Variants in GARRE1 observed in about 807,000 individuals in gnomAD.
The protein encoded by GARRE1 is granule associated Rac and RHOG effector protein 1.
A neutral mutation model predicts 103.2 loss-of-function variants in GARRE1; 49 were observed. The ratio of observed to expected loss-of-function variants is 0.47; its 90% confidence interval spans 0.38 to 0.60. The LOEUF (loss-of-function observed/expected upper bound fraction) is 0.60. Among genes scored for constraint, GARRE1 ranks in the 20% least tolerant of loss-of-function variants. The pLI is 0.00. For missense variants in GARRE1, 1,199 were observed against 1,370.5 expected (o/e 0.87, Z 1.98); for synonymous variants, 505 against 532.8 (o/e 0.95, Z 0.72).
intron 1 of GARRE1, among the ~76,000 whole-genome samples, chr19:34,274,265 T>C (rs1460750408): frequency 6.6e-6 from 1 of 151,334 alleles, no homozygotes; most frequent in Non-Finnish European, 1.5e-5. Context: ...ATTAGCCGGG[T>C]GTTGTGGTGT....
rs2074186881 is a variant in GARRE1 at position 34,341,791 on chromosome 19, C to G, written c.1857C>G (p.Leu619=). 6.2e-7 allele frequency: 1 copy of G among 1,614,054 alleles called. No individual in the cohort carries two copies. Among genetic ancestry groups the G allele is most frequent in the African/African-American group, 1.3e-5 (1 of 74,924 alleles). Residue 619 remains leucine (L), a synonymous_variant, in exon 10 of 14, where the codon CTC becomes CTG. Transcript: ENST00000299505. ...GTAATACAGTGGCCAATGGCTTTCT[C>G]ATGGAGAGGCGTGAGAACTTCCTGC... The part of the protein sequence containing the change: ...NSSNTVANGF[L]MERRENFLHG...
At chr19:34,292,600 G>A (rs914121114) in intron 1 of GARRE1, among the ~76,000 whole-genome samples, 1 of 151,878 alleles carries the variant, frequency 6.6e-6, no homozygotes, top group African/African-American at 2.4e-5. Context: ...TTTTGAGACA[G>A]CGTCTCACTC....
rs2074250156 is a variant in GARRE1 at position 34,353,199 on chromosome 19, G to A, written c.*244G>A. ...AGACACAGGCGTCTGGCCTTCAGGG[G>A]CTTGCTAGGGAACCTGCATGCCTAG... On this transcript the variant is annotated 3_prime_UTR_variant, in exon 14 of 14. Coordinates refer to ENST00000299505, the MANE Select transcript of GARRE1 (RefSeq NM_014686.5). 1 of 498,138 alleles carries A rather than the reference G, an allele frequency of 2.0e-6. No individual in the cohort carries two copies. The highest frequency in any genetic ancestry group is 3.4e-5 in the Admixed American group (1 of 29,008). 30.9% of individuals were successfully genotyped at this position (498,138 alleles called of 1,614,324 possible). A position where few individuals can be genotyped will look rare whatever the true frequency, so the allele number is the denominator to read the frequency against.
intron 3 of GARRE1, among the ~76,000 whole-genome samples, chr19:34,326,458 ATC>A (rs1257460833): frequency 6.6e-6 from 1 of 152,220 alleles, no homozygotes; most frequent in African/African-American, 2.4e-5. Flanking sequence ...TGATCCATGT[ATC>A]TGTTTTCTGC....
chr19:34,332,850 T>C (rs2145271834), intron 7 of GARRE1, among the ~76,000 whole-genome samples: 1 of 152,306 alleles, frequency 6.6e-6, no homozygotes, highest in Middle Eastern at 3.4e-3. Flanking sequence ...CATAGGATAC[T>C]CTTATCACCT....
At chr19:34,264,413 G>T (rs1442118057) in intron 1 of GARRE1, among the ~76,000 whole-genome samples, 1 of 150,240 alleles carries the variant, frequency 6.7e-6, no homozygotes, top group Admixed American at 6.6e-5. Context: ...TTTTTTTGGA[G>T]GGGGGGACGG....
At chr19:34,319,845 T>A in intron 2 of GARRE1, 62 bp from the exon 3 acceptor site, 5 of 1,455,348 alleles carry the variant, frequency 3.4e-6, no homozygotes, top group Non-Finnish European at 4.8e-6. Context: ...CATTGAAAAT[T>A]TACTGCGCGA....
chr19:34,263,228 AAAAAT>A (rs1403260105), intron 1 of GARRE1, among the ~76,000 whole-genome samples: 2 of 151,306 alleles, frequency 1.3e-5, no homozygotes, highest in Admixed American at 6.6e-5. Flanking sequence ...ATAAATAAAT[AAAAAT>A]AAAATAAATA....
intron 9 of GARRE1, 151 bp downstream of exon 9, chr19:34,340,143 C>A (rs904469507): frequency 2.6e-6 from 2 of 763,516 alleles, no homozygotes; most frequent in South Asian, 4.0e-5. Context: ...TAATTTAAAA[C>A]CTGCAGCAAA....
At chr19:34,283,873 CCAGGCTGGAGTG>C in intron 1 of GARRE1, among the ~76,000 whole-genome samples, 1 of 148,904 alleles carries the variant, frequency 6.7e-6, no homozygotes, top group Non-Finnish European at 1.5e-5. Context: ...ACTCTGTCAC[CCAGGCTGGAGTG>C]CAGTGGCATG....
At chr19:34,313,865 A>C (rs1022120092) in intron 2 of GARRE1, among the ~76,000 whole-genome samples, 11 of 152,050 alleles carry the variant, frequency 7.2e-5, no homozygotes, top group Non-Finnish European at 1.5e-4. Flanking sequence ...CAGTGATGTG[A>C]TCTTGGCTCA....
At chr19:34,339,312 C>T (rs1300450760) in intron 8 of GARRE1, among the ~76,000 whole-genome samples, 1 of 152,172 alleles carries the variant, frequency 6.6e-6, no homozygotes, top group Non-Finnish European at 1.5e-5. Flanking sequence ...TATAATGGCT[C>T]ACAGAACTCA....
intron 3 of GARRE1, among the ~76,000 whole-genome samples, chr19:34,324,839 C>T (rs865971864): frequency 6.6e-5 from 10 of 152,068 alleles, no homozygotes; most frequent in Admixed American, 2.0e-4. Context: ...GAATTTGAAG[C>T]GTGTGATCCT....
At chr19:34,292,533 A>T (rs2073923973) in intron 1 of GARRE1, among the ~76,000 whole-genome samples, 1 of 152,088 alleles carries the variant, frequency 6.6e-6, no homozygotes, top group South Asian at 2.1e-4. Flanking sequence ...TATATTTAGC[A>T]TTTTGAGGAC....
intron 1 of GARRE1, among the ~76,000 whole-genome samples, chr19:34,271,245 CTTTTTTTTTTT>C (rs1199086211): frequency 9.5e-6 from 1 of 105,662 alleles, no homozygotes; most frequent in Non-Finnish European, 2.0e-5. Flanking sequence ...TGTGCACTTT[CTTTTTTTTTTT>C]TTTTTTTTTT....
Position 34,342,012 on chromosome 19 carries a change from C to T in GARRE1, c.2078C>T (p.Ser693Leu). ...KAGAMQPQQP[S>L]LPVPPPPRAP... The stretch of plus-strand genomic sequence containing the variant: ...GGAGCCATGCAACCACAGCAGCCGT[C>T]ACTGCCTGTGCCCCCTCCACCACGG... Residue 693 changes from serine to leucine, a missense_variant, in exon 10 of 14, where the codon TCA becomes TTA. Transcript: ENST00000299505. 6.2e-7 allele frequency: 1 copy of T among 1,614,198 alleles called. No individual in the cohort carries two copies. The highest frequency in any genetic ancestry group is 8.5e-7 in the Non-Finnish European group (1 of 1,180,038).
At chr19:34,325,665 T>G (rs145072728) in intron 3 of GARRE1, among the ~76,000 whole-genome samples, 1,539 of 152,252 alleles carry the variant, frequency 0.01, 11 homozygotes, top group Non-Finnish European at 0.017. Flanking sequence ...TAAAATTGGA[T>G]GATGTCGCTT....
At position 34,341,453 on chromosome 19, in the gene GARRE1, C is replaced by G; in HGVS notation, c.1519C>G (p.Leu507Val). Residue 507 changes from leucine to valine, a missense_variant, in exon 10 of 14, where the codon CTG becomes GTG. By Grantham distance (32) the Leu-to-Val change is conservative. Transcript: ENST00000299505. Reference protein sequence around the residue: ...EQALPCIQIQLQREICDFGNQ... With the variant: ...EQALPCIQIQVQREICDFGNQ... Reference sequence around the variant, plus strand: ...AGCTTTACCCTGCATACAGATCCAGCTGCAAAGGGAGATCTGTGATTTTGG... The same window carrying G: ...AGCTTTACCCTGCATACAGATCCAGGTGCAAAGGGAGATCTGTGATTTTGG... The G allele has an allele frequency of 2.5e-6, 4 of 1,613,650 alleles. No individual in the cohort carries two copies. Among genetic ancestry groups the G allele is most frequent in the East Asian group, 2.2e-5 (1 of 44,876 alleles).
intron 1 of GARRE1, among the ~76,000 whole-genome samples, chr19:34,277,781 A>C (rs1270177023): frequency 6.6e-6 from 1 of 152,098 alleles, no homozygotes; most frequent in African/African-American, 2.4e-5. Flanking sequence ...GCAAAATAAT[A>C]GTTTTCCTAG....
Sources: gnomAD v4.1 joint callset for allele counts (sites outside exome capture counted in the v4.1 genomes callset) on GRCh38, gnomAD v4.1.1 for gene constraint, MANE v1.5 for transcripts, NCBI Gene and HGNC (gene_info 2026-07-23, HGNC 2026-07-21) for gene names.